The following BCKDHB variants were observed in gnomAD, a reference collection of about 807,000 sequenced individuals.
BCKDHB encodes the protein 2-oxoisovalerate dehydrogenase subunit beta, mitochondrial.
BCKDHB carries 41 observed loss-of-function variants against 48.5 expected under a neutral mutation model. The observed-to-expected ratio is 0.85, with a 90% CI of 0.66 to 1.10. BCKDHB has a LOEUF of 1.10. Among genes scored for constraint, BCKDHB ranks in the 50% least tolerant of loss-of-function variants. The pLI, the probability that BCKDHB is intolerant of heterozygous loss-of-function variation, is 0.00. For synonymous variants in BCKDHB, 201 were observed against 174.8 expected (o/e 1.15, Z -1.18); for missense variants, 496 against 494.2 (o/e 1.00, Z -0.03).
chr6:80,160,691 T>G (rs898136930), intron 3 of BCKDHB, among the ~76,000 whole-genome samples: 1 of 152,178 alleles, frequency 6.6e-6, no homozygotes, highest in Non-Finnish European at 1.5e-5. Flanking sequence ...TCATGCTCCC[T>G]TTACAAAAGA....
chr6:80,303,834 G>C (rs1462998718), intron 9 of BCKDHB, among the ~76,000 whole-genome samples: 1 of 151,990 alleles, frequency 6.6e-6, no homozygotes, highest in African/African-American at 2.4e-5. Flanking sequence ...TAGAGAAGTG[G>C]TCTGTTACCT....
At chr6:80,242,707 G>A (rs1776437886) in intron 8 of BCKDHB, among the ~76,000 whole-genome samples, 1 of 152,062 alleles carries the variant, frequency 6.6e-6, no homozygotes, top group Non-Finnish European at 1.5e-5. Flanking sequence ...AAGCCTTCCT[G>A]TATTCTTAAT....
At chr6:80,375,797 C>A in the BCKDHB span, among the ~76,000 whole-genome samples, 2 of 152,282 alleles carry the variant, frequency 1.3e-5, no homozygotes, top group Non-Finnish European at 2.9e-5. Context: ...GAGGGAAGAT[C>A]TGGGACTCAT....
At chr6:80,154,219 G>A (rs796691407) in intron 3 of BCKDHB, among the ~76,000 whole-genome samples, 3 of 152,130 alleles carry the variant, frequency 2.0e-5, no homozygotes, top group African/African-American at 4.8e-5. Context: ...TGTAAGTTGC[G>A]TGAGGACAGA....
chr6:80,358,231 A>T, the BCKDHB span, among the ~76,000 whole-genome samples: 1 of 152,016 alleles, frequency 6.6e-6, no homozygotes, highest in Admixed American at 6.6e-5. Flanking sequence ...TTCTCACAGC[A>T]TCCTCTTATT....
chr6:80,200,145 T>A (rs1419258326), intron 6 of BCKDHB, among the ~76,000 whole-genome samples: 3 of 151,544 alleles, frequency 2.0e-5, no homozygotes, highest in Non-Finnish European at 4.4e-5. Flanking sequence ...TCGTACTCAA[T>A]TTTATTTTGA....
At chr6:80,317,707 A>C (rs1768521213) in intron 9 of BCKDHB, among the ~76,000 whole-genome samples, 1 of 152,218 alleles carries the variant, frequency 6.6e-6, no homozygotes, top group East Asian at 1.9e-4. Flanking sequence ...TTTTGGGGAC[A>C]ATTATTCTGC....
At chr6:80,368,748 C>A in the BCKDHB span, among the ~76,000 whole-genome samples, 1 of 151,732 alleles carries the variant, frequency 6.6e-6, no homozygotes, top group South Asian at 2.1e-4. Context: ...TGGTGGCTCA[C>A]ACCTGTAATC....
At chr6:80,276,847 A>G (rs1005721891) in intron 9 of BCKDHB, among the ~76,000 whole-genome samples, 4 of 152,000 alleles carry the variant, frequency 2.6e-5, no homozygotes, top group African/African-American at 9.7e-5. Flanking sequence ...AAACATATAT[A>G]TAGAGAGAAA....
intron 3 of BCKDHB, among the ~76,000 whole-genome samples, chr6:80,131,644 T>C (rs1188072656): frequency 6.6e-6 from 1 of 151,904 alleles, no homozygotes; most frequent in Non-Finnish European, 1.5e-5. Flanking sequence ...ACATACAAAA[T>C]ACTTTTTTTT....
chr6:80,449,856 T>C, the BCKDHB span, among the ~76,000 whole-genome samples: 2 of 152,250 alleles, frequency 1.3e-5, no homozygotes, highest in East Asian at 1.9e-4. Flanking sequence ...AGAGTTCATA[T>C]TGAAATATTT....
Position 80,343,830 on chromosome 6 carries a change from GA to G in BCKDHB, c.*29del. ...CCATATAGGTAGGTATGCATCTTGA[GA>G]AAGCTACTATGTGCCCCTGACATTA... is the stretch of plus-strand genomic sequence containing the variant. On this transcript the variant is annotated 3_prime_UTR_variant, in exon 10 of 10. Transcript: ENST00000320393. 6.2e-7 allele frequency: 1 copy of G among 1,612,934 alleles called. No individual in the cohort carries two copies. The highest frequency in any genetic ancestry group is 8.5e-7 in the Non-Finnish European group (1 of 1,179,038).
chr6:80,282,471 G>A (rs76032776), intron 9 of BCKDHB, among the ~76,000 whole-genome samples: 4,396 of 152,060 alleles, frequency 0.029, 181 homozygotes, highest in African/African-American at 0.1. Context: ...AGTGTTGTTC[G>A]TTCGATAGGA....
At chr6:80,395,328 G>A in the BCKDHB span, among the ~76,000 whole-genome samples, 1 of 152,300 alleles carries the variant, frequency 6.6e-6, no homozygotes, top group East Asian at 1.9e-4. Flanking sequence ...GAACTTGCTA[G>A]AGACTTCTTG....
chr6:80,457,077 T>C, the BCKDHB span, among the ~76,000 whole-genome samples: 909 of 152,304 alleles, frequency 6.0e-3, 9 homozygotes, highest in African/African-American at 0.02. Flanking sequence ...TGTGACACAC[T>C]CCTTTTTCCG....
At chr6:80,340,451 A>C (rs938272310) in intron 9 of BCKDHB, among the ~76,000 whole-genome samples, 1 of 152,184 alleles carries the variant, frequency 6.6e-6, no homozygotes, top group Non-Finnish European at 1.5e-5. Flanking sequence ...GCCAGCTTAC[A>C]TACACAGCTC....
chr6:80,121,702 T>G lies in BCKDHB; in HGVS notation c.197-5845T>G, dbSNP rs1770030161. Reference sequence around the variant, plus strand: ...ATGCTTGTGATTTTTGCACATTGATTTTGTATCTTGAAACTTTGCAGAATT... The same window carrying G: ...ATGCTTGTGATTTTTGCACATTGATGTTGTATCTTGAAACTTTGCAGAATT... On this transcript the variant is annotated intron_variant, in intron 1 of 9. Coordinates refer to ENST00000320393, the MANE Select transcript of BCKDHB (RefSeq NM_183050.4). 2.0e-5 allele frequency among the ~76,000 whole-genome samples: 3 copies of G among 152,330 alleles called. No individual in the cohort carries two copies. The South Asian group carries it at 6.2e-4, about 32-fold the overall frequency.
In BCKDHB at chr6:80,127,616, C is replaced by T. The variant is rs1264917498; in HGVS notation, c.266C>T (p.Pro89Leu). ...TTGGATAACTCATTGGCCAAAGATC[C>T]TACTGCAGGTAACCCTGATATGTGC... ...SALDNSLAKD[P>L]TAVIFGEDVA... The change falls in exon 2 of 10, where the codon CCT becomes CTT. Residue 89 changes from proline (P) to leucine (L), a missense_variant. Physicochemically the swap from Pro to Leu is moderately conservative, Grantham distance 98. Transcript: ENST00000320393. 2.5e-6 allele frequency: 4 copies of T among 1,612,298 alleles called. No individual in the cohort carries two copies. The highest frequency in any genetic ancestry group is 1.7e-5 in the Admixed American group (1 of 59,966).
intron 8 of BCKDHB, among the ~76,000 whole-genome samples, chr6:80,228,905 C>G (rs1222668386): frequency 2.0e-5 from 3 of 152,148 alleles, no homozygotes; most frequent in African/African-American, 7.2e-5. Flanking sequence ...GGACTTCCAA[C>G]CTTCCAGGGA....
Sources: allele counts gnomAD v4.1 joint callset (sites outside exome capture counted in the v4.1 genomes callset), GRCh38; gene constraint gnomAD v4.1.1; transcripts MANE v1.5; gene names NCBI Gene and HGNC (gene_info 2026-07-23, HGNC 2026-07-21).